CNTNAP2: variants seen among roughly 807,000 people sequenced by gnomAD.
CNTNAP2 encodes contactin-associated protein-like 2.
Under a neutral mutation model 155.2 loss-of-function variants are expected in CNTNAP2, and 98 were observed. The ratio of observed to expected loss-of-function variants is 0.63; its 90% CI spans 0.54 to 0.75. The LOEUF is 0.75. Ranked by LOEUF, CNTNAP2 falls within the 30% of genes least tolerant of loss-of-function variation. The probability of loss-of-function intolerance (pLI) is 0.00; values close to 1 mark genes in which losing one functional copy is unlikely to be tolerated. For synonymous variants in CNTNAP2, 651 were observed against 631.2 expected, an observed-to-expected ratio of 1.03 and a Z score of -0.47; for missense variants, 1,727 against 1,688.1, an observed-to-expected ratio of 1.02 and a Z score of -0.40.
chr7:146,197,451 G>T (rs1270497375), intron 1 of CNTNAP2, among the ~76,000 whole-genome samples: 1 of 152,118 alleles, frequency 6.6e-6, no homozygotes, highest in African/African-American at 2.4e-5. Context: ...ACGTGACAGT[G>T]TGACTGAAAT....
intron 1 of CNTNAP2, among the ~76,000 whole-genome samples, chr7:146,720,963 C>T (rs144102854): frequency 0.06 from 7,449 of 124,098 alleles, 653 homozygotes; most frequent in African/African-American, 0.22. Context: ...TATATATATA[C>T]AGTATATATA....
chr7:146,143,753 A>G (rs1184106982), intron 1 of CNTNAP2, among the ~76,000 whole-genome samples: 1 of 151,852 alleles, frequency 6.6e-6, no homozygotes, highest in African/African-American at 2.4e-5. Flanking sequence ...AGTATCATAG[A>G]TCTAAATTCT....
At chr7:146,999,718 C>T (rs1439040351) in intron 3 of CNTNAP2, among the ~76,000 whole-genome samples, 1 of 151,960 alleles carries the variant, frequency 6.6e-6, no homozygotes, top group East Asian at 1.9e-4. Context: ...CTCTCTTAGC[C>T]CGTAAGATTT....
intron 7 of CNTNAP2, among the ~76,000 whole-genome samples, chr7:147,131,123 A>G (rs1047197682): frequency 4.0e-5 from 6 of 149,718 alleles, no homozygotes; most frequent in Non-Finnish European, 8.9e-5. Context: ...TACCATATAC[A>G]TATATATACC....
chr7:146,770,360 A>G (rs1011770160), intron 1 of CNTNAP2, among the ~76,000 whole-genome samples: 1 of 151,802 alleles, frequency 6.6e-6, no homozygotes, highest in Admixed American at 6.6e-5. Context: ...ATATACATAT[A>G]ATCTGCCTGA....
intron 13 of CNTNAP2, among the ~76,000 whole-genome samples, chr7:147,750,838 A>G (rs181172362): frequency 1.1e-4 from 17 of 152,088 alleles, no homozygotes; most frequent in Middle Eastern, 6.8e-3. Flanking sequence ...GGAGATCCAG[A>G]CCATCCTGGC....
At chr7:148,001,781 A>G (rs1801902765) in intron 15 of CNTNAP2, among the ~76,000 whole-genome samples, 1 of 152,226 alleles carries the variant, frequency 6.6e-6, no homozygotes, top group Non-Finnish European at 1.5e-5. Context: ...ATTGGAGCAT[A>G]TAAAAGAGTT....
chr7:146,195,857 A>G (rs1429284728), intron 1 of CNTNAP2, among the ~76,000 whole-genome samples: 1 of 152,218 alleles, frequency 6.6e-6, no homozygotes, highest in African/African-American at 2.4e-5. Flanking sequence ...CACATCATTT[A>G]TCATTATATT....
chr7:146,530,639 T>C (rs1797756802), intron 1 of CNTNAP2, among the ~76,000 whole-genome samples: 2 of 152,220 alleles, frequency 1.3e-5, no homozygotes, highest in South Asian at 4.1e-4. Flanking sequence ...ACATCACTAA[T>C]CATTAAAGAA....
chr7:147,981,383 A>G (rs1198858204), intron 15 of CNTNAP2, among the ~76,000 whole-genome samples: 4 of 152,258 alleles, frequency 2.6e-5, no homozygotes, highest in African/African-American at 9.6e-5. Flanking sequence ...CATTTATGTA[A>G]TTTAAAAAGT....
chr7:148,229,984 AG>A (rs754073283), intron 20 of CNTNAP2, among the ~76,000 whole-genome samples: 23 of 152,200 alleles, frequency 1.5e-4, no homozygotes, highest in Non-Finnish European at 2.6e-4. Flanking sequence ...GACATCTTTT[AG>A]GGGGAAATAG....
At chr7:147,695,630 T>G (rs1220107672) in intron 13 of CNTNAP2, among the ~76,000 whole-genome samples, 3 of 152,064 alleles carry the variant, frequency 2.0e-5, no homozygotes, top group Non-Finnish European at 4.4e-5. Flanking sequence ...AATGAAACAC[T>G]GTCTGTACTG....
intron 9 of CNTNAP2, among the ~76,000 whole-genome samples, chr7:147,375,390 T>C (rs1258427583): frequency 6.6e-6 from 1 of 152,048 alleles, no homozygotes; most frequent in Non-Finnish European, 1.5e-5. Flanking sequence ...ACAGTAACAT[T>C]GGTAATTATG....
At chr7:148,412,906 G>C (rs1162482000) in intron 23 of CNTNAP2, among the ~76,000 whole-genome samples, 1 of 152,128 alleles carries the variant, frequency 6.6e-6, no homozygotes, top group Non-Finnish European at 1.5e-5. Context: ...ATGGGTATTG[G>C]AAGTTTTCCA....
chr7:146,248,029 AAG>A (rs1226435921), intron 1 of CNTNAP2, among the ~76,000 whole-genome samples: 2 of 151,590 alleles, frequency 1.3e-5, no homozygotes, highest in African/African-American at 4.9e-5. Context: ...ACAGAGATAT[AAG>A]AGGCTGGGGC....
intron 8 of CNTNAP2, among the ~76,000 whole-genome samples, chr7:147,283,100 T>C (rs1190983585): frequency 1.3e-5 from 2 of 152,042 alleles, no homozygotes; most frequent in Middle Eastern, 3.4e-3. Flanking sequence ...AATTATAATA[T>C]ATTAATATCC....
At position 146,376,307 on chromosome 7, in the gene CNTNAP2, G is replaced by A. The variant is rs1423925754; in HGVS notation, c.97+259334G>A. Among the ~76,000 whole-genome samples, 6 of 152,044 alleles carry A rather than the reference G, an allele frequency of 3.9e-5. No homozygotes were observed. The South Asian group carries it at 1.0e-3, about 26-fold the overall frequency. ...GCTCCGAATTCCTTACTCTCTTAGA[G>A]TCTTACAGATTTAATCTATTCGTTA... On this transcript the variant is annotated intron_variant, in intron 1 of 23. Transcript: ENST00000361727.
At chr7:146,918,878 A>C (rs1796445902) in intron 3 of CNTNAP2, among the ~76,000 whole-genome samples, 1 of 152,124 alleles carries the variant, frequency 6.6e-6, no homozygotes, top group South Asian at 2.1e-4. Context: ...TCCTTTTTTA[A>C]AAATTCATTT....
At chr7:148,311,451 G>C (rs899149204) in intron 21 of CNTNAP2, among the ~76,000 whole-genome samples, 1 of 151,736 alleles carries the variant, frequency 6.6e-6, no homozygotes, top group South Asian at 2.1e-4. Context: ...AGAGGAATGG[G>C]AATGAGAATA....
Sources: allele counts gnomAD v4.1 joint callset (sites outside exome capture counted in the v4.1 genomes callset), GRCh38; gene constraint gnomAD v4.1.1; transcripts MANE v1.5; gene names NCBI Gene and HGNC (gene_info 2026-07-23, HGNC 2026-07-21).